N4BP1: variants seen among roughly 807,000 people sequenced by gnomAD.
The protein encoded by N4BP1 is NEDD4 binding protein 1, also known as NEDD4-binding protein 1.
Under a neutral mutation model 70.9 loss-of-function variants are expected in N4BP1, and 21 were observed. That is an observed-to-expected ratio of 0.30 (90% CI 0.21 to 0.43). N4BP1 has a LOEUF of 0.43. Ranked by LOEUF, N4BP1 falls within the 20% of genes least tolerant of loss-of-function variation. The pLI is 1.00. For missense variants in N4BP1, 936 were observed against 1,069.4 expected (o/e 0.88, Z 1.74); for synonymous variants, 387 against 394.6 (o/e 0.98, Z 0.23).
At chr16:48,578,640 G>C (rs1188167884) in intron 1 of N4BP1, among the ~76,000 whole-genome samples, 1 of 152,168 alleles carries the variant, frequency 6.6e-6, no homozygotes, top group Non-Finnish European at 1.5e-5. Flanking sequence ...CCAAAGTTCT[G>C]AAAACGTACC....
Position 48,546,264 on chromosome 16 carries a change from A to AT in N4BP1, c.2226-11_2226-10insA. ...CGTGTACTGCAGCAGCCTACAACAC[A>AT]GAACACCATGAGGCTGAGAGACAGG... On this transcript the variant is annotated splice_polypyrimidine_tract_variant and intron_variant, in intron 5 of 6. Coordinates refer to ENST00000262384, the MANE Select transcript of N4BP1 (RefSeq NM_153029.4). 6.3e-7 allele frequency: 1 copy of AT among 1,584,190 alleles called. No homozygotes were observed. Among genetic ancestry groups the AT allele is most frequent in the Non-Finnish European group, 8.6e-7 (1 of 1,163,790 alleles).
rs1421920749 is a variant in N4BP1 at position 48,540,826 on chromosome 16, TC to T, written c.*2077del. On this transcript the variant is annotated 3_prime_UTR_variant, in exon 7 of 7. Coordinates refer to ENST00000262384, the MANE Select transcript of N4BP1 (RefSeq NM_153029.4). Reference sequence around the variant, plus strand: ...AGGAGGCTGAGAACCAGTAATGAGTTCTTAATGGTTTGATAATTTGGGTTTT... The same window carrying T: ...AGGAGGCTGAGAACCAGTAATGAGTTTTAATGGTTTGATAATTTGGGTTTT... The T allele has an allele frequency of 1.1e-4, 16 of 152,226 alleles. No homozygotes were observed. Among genetic ancestry groups the T allele is most frequent in the Non-Finnish European group, 1.5e-5 (1 of 68,044 alleles). The allele number at this position is 152,226 out of a possible 1,614,324, so 9.4% of individuals were successfully genotyped here. A position where few individuals can be genotyped will look rare whatever the true frequency, so the allele number is the denominator to read the frequency against.
intron 1 of N4BP1, among the ~76,000 whole-genome samples, chr16:48,587,941 G>A (rs1429227484): frequency 2.6e-5 from 4 of 152,052 alleles, no homozygotes; most frequent in Non-Finnish European, 4.4e-5. Flanking sequence ...GACACTACAG[G>A]TGAAATATGT....
chr16:48,586,136 GT>G (rs1160576148), intron 1 of N4BP1, among the ~76,000 whole-genome samples: 3 of 152,156 alleles, frequency 2.0e-5, no homozygotes, highest in Admixed American at 1.3e-4. Flanking sequence ...TAATTTCCAA[GT>G]AAGACAGACA....
chr16:48,594,466 T>A (rs755456310), intron 1 of N4BP1, among the ~76,000 whole-genome samples: 1 of 152,194 alleles, frequency 6.6e-6, no homozygotes, highest in Non-Finnish European at 1.5e-5. Flanking sequence ...GCAAGTCTCA[T>A]GCCTCAGCTT....
At chr16:48,608,706 G>T (rs888308122) in intron 1 of N4BP1, among the ~76,000 whole-genome samples, 1 of 151,026 alleles carries the variant, frequency 6.6e-6, no homozygotes, top group Admixed American at 6.6e-5. Context: ...TGCTGATTTA[G>T]GCAGAAGGTG....
chr16:48,606,175 G>A lies in N4BP1; in HGVS notation c.198+3600C>T, dbSNP rs77247398. 7.5e-3 allele frequency among the ~76,000 whole-genome samples: 1,134 copies of A among 152,122 alleles called. 11 individuals are homozygous for A. The highest frequency in any genetic ancestry group is 0.026 in the African/African-American group (1,084 of 41,470). ...AGCTGGTGGCCCCACCAGTCAATAG[G>A]TCAAACAACTTAACCATCCCTCCTG... On this transcript the variant is annotated intron_variant, in intron 1 of 6. Transcript: ENST00000262384.
rs532136024 is a variant in N4BP1, at chr16:48,542,040, G to A, written c.*864C>T. 3.3e-5 allele frequency: 5 copies of A among 152,762 alleles called. No individual in the cohort carries two copies. The highest frequency in any genetic ancestry group is 7.2e-5 in the African/African-American group (3 of 41,566). The allele number at this position is 152,762 out of a possible 1,614,324, so 9.5% of individuals were successfully genotyped here. A position where few individuals can be genotyped will look rare whatever the true frequency, so the allele number is the denominator to read the frequency against. The stretch of plus-strand genomic sequence containing the variant: ...ATTAAACTTCCTCATAACCCGCTAC[G>A]GTGTTCAGAAGCTAAGACGTGACTT... On this transcript the variant is annotated 3_prime_UTR_variant, in exon 7 of 7. Coordinates refer to ENST00000262384, the MANE Select transcript of N4BP1 (RefSeq NM_153029.4).
At chr16:48,586,320 G>C (rs1220551010) in intron 1 of N4BP1, among the ~76,000 whole-genome samples, 2 of 152,160 alleles carry the variant, frequency 1.3e-5, no homozygotes, top group East Asian at 3.8e-4. Flanking sequence ...TAACTACCGA[G>C]TATATAATTT....
In N4BP1 at chr16:48,540,123, G is replaced by C. The variant is rs1963472529; in HGVS notation, c.*2781C>G. The C allele has an allele frequency of 1.3e-5, 2 of 152,568 alleles. No individual in the cohort carries two copies. The highest frequency in any genetic ancestry group is 2.4e-5 in the African/African-American group (1 of 41,472). 9.5% of individuals were successfully genotyped at this position (152,568 alleles called of 1,614,324 possible). A position where few individuals can be genotyped will look rare whatever the true frequency, so the allele number is the denominator to read the frequency against. ...GATGAACAGACGGAGGTGAGCCAGA[G>C]ACACCTCCTGGGCAAGTCGGCCAGG... On this transcript the variant is annotated 3_prime_UTR_variant, in exon 7 of 7. Transcript: ENST00000262384.
chr16:48,545,295 C>T (rs139572104), intron 6 of N4BP1, among the ~76,000 whole-genome samples: 2,850 of 149,898 alleles, frequency 0.019, 102 homozygotes, highest in African/African-American at 0.064. Flanking sequence ...AAAGGCTGGG[C>T]GCAGTGGCTC....
intron 1 of N4BP1, among the ~76,000 whole-genome samples, 188 bp from the exon 2 acceptor site, chr16:48,562,632 T>G (rs965833365): frequency 1.3e-5 from 2 of 152,226 alleles, no homozygotes; most frequent in African/African-American, 4.8e-5. Context: ...TAAACCATCT[T>G]TAGAGGAACT....
rs758578191 is a variant in N4BP1 at position 48,561,552 on chromosome 16, A to G, written c.1091T>C (p.Val364Ala). Residue 364 changes from valine (V) to alanine (A), a missense_variant, in exon 2 of 7, where the codon GTT (valine) becomes GCT (alanine). Physicochemically the swap from Val to Ala is moderately conservative, Grantham distance 64. Coordinates refer to ENST00000262384, the MANE Select transcript of N4BP1 (RefSeq NM_153029.4). Reference protein sequence around the residue: ...FKTMGYSQEIVEKVIKVYGPS... With the variant: ...FKTMGYSQEIAEKVIKVYGPS... ...TCCATACACCTTAATGACCTTTTCA[A>G]CAATTTCTTGGGAGTAGCCCATGGT... The G allele has an allele frequency of 6.2e-7, 1 of 1,613,924 alleles. No individual in the cohort carries two copies. The highest frequency in any genetic ancestry group is 1.1e-5 in the South Asian group (1 of 91,078).
chr16:48,555,428 C>T (rs140155709), intron 2 of N4BP1, among the ~76,000 whole-genome samples: 1 of 152,354 alleles, frequency 6.6e-6, no homozygotes, highest in Non-Finnish European at 1.5e-5. Flanking sequence ...ACTTCACGAA[C>T]ATCTAATGCT....
At chr16:48,556,368 T>C (rs917766885) in intron 2 of N4BP1, among the ~76,000 whole-genome samples, 2 of 152,218 alleles carry the variant, frequency 1.3e-5, no homozygotes, top group Non-Finnish European at 2.9e-5. Flanking sequence ...GGCAGACATG[T>C]GCTTACTCAT....
At chr16:48,571,562 T>C (rs1964020904) in intron 1 of N4BP1, among the ~76,000 whole-genome samples, 1 of 151,868 alleles carries the variant, frequency 6.6e-6, no homozygotes, top group Non-Finnish European at 1.5e-5. Flanking sequence ...AAAATTTTAG[T>C]AAGTGGTTTC....
chr16:48,580,877 G>A (rs1191373165), intron 1 of N4BP1, among the ~76,000 whole-genome samples: 2 of 152,080 alleles, frequency 1.3e-5, no homozygotes, highest in Non-Finnish European at 2.9e-5. Context: ...AGTAGGTCAA[G>A]GAGGTCAAAT....
At chr16:48,594,110 A>C (rs953065184) in intron 1 of N4BP1, among the ~76,000 whole-genome samples, 12 of 151,978 alleles carry the variant, frequency 7.9e-5, no homozygotes, top group African/African-American at 2.9e-4. Flanking sequence ...TTTTCATGTA[A>C]TATTAAAAGA....
chr16:48,541,036 A>G lies in N4BP1; in HGVS notation c.*1868T>C, dbSNP rs1963490763. On this transcript the variant is annotated 3_prime_UTR_variant, in exon 7 of 7. Coordinates refer to ENST00000262384, the MANE Select transcript of N4BP1 (RefSeq NM_153029.4). Reference sequence around the variant, plus strand: ...GAAGACTTACAGAACTCAAACATCAAAGGTCAAGTAGCTTCTAGCCAGGAA... The same window carrying G: ...GAAGACTTACAGAACTCAAACATCAGAGGTCAAGTAGCTTCTAGCCAGGAA... The G allele has an allele frequency of 6.6e-6, 1 of 152,196 alleles. No individual in the cohort carries two copies. The highest frequency in any genetic ancestry group is 1.5e-5 in the Non-Finnish European group (1 of 68,060). 9.4% of individuals were successfully genotyped at this position (152,196 alleles called of 1,614,324 possible).
Sources: gnomAD v4.1 joint callset for allele counts (sites outside exome capture counted in the v4.1 genomes callset) on GRCh38, gnomAD v4.1.1 for gene constraint, MANE v1.5 for transcripts, NCBI Gene and HGNC (gene_info 2026-07-23, HGNC 2026-07-21) for gene names.